The following RPS6KC1 variants were observed in gnomAD, a reference collection of about 807,000 sequenced individuals.
RPS6KC1 encodes ribosomal protein S6 kinase C1.
Under a neutral mutation model 103.8 loss-of-function variants are expected in RPS6KC1, and 54 were observed. The observed-to-expected ratio is 0.52, with a 90% CI of 0.42 to 0.65. The LOEUF (loss-of-function observed/expected upper bound fraction) is 0.65. Ranked by LOEUF, RPS6KC1 falls within the 30% of genes least tolerant of loss-of-function variation. The pLI, the probability that RPS6KC1 is intolerant of heterozygous loss-of-function variation, is 0.00. For synonymous variants in RPS6KC1, 439 were observed against 438.7 expected (o/e 1.00, Z -0.01); for missense variants, 1,151 against 1,253.8 (o/e 0.92, Z 1.24).
intron 8 of RPS6KC1, among the ~76,000 whole-genome samples, chr1:213,199,822 A>G (rs2093089551): frequency 6.6e-6 from 1 of 152,352 alleles, no homozygotes; most frequent in South Asian, 2.1e-4. Context: ...AAAAATCACT[A>G]GCATTCCTAT....
At chr1:213,473,191 A>G in the RPS6KC1 span, among the ~76,000 whole-genome samples, 1 of 152,226 alleles carries the variant, frequency 6.6e-6, no homozygotes, top group Non-Finnish European at 1.5e-5. Context: ...CTGTGAACCA[A>G]TCAGTCTGGC....
Position 213,241,839 on chromosome 1 carries a change from A to G in RPS6KC1, c.2363A>G (p.Asp788Gly), listed in dbSNP as rs2094361759. 1 of 1,613,972 alleles carries G rather than the reference A, an allele frequency of 6.2e-7. No individual in the cohort carries two copies. The highest frequency in any genetic ancestry group is 2.2e-5 in the East Asian group (1 of 44,860). The part of the protein sequence containing the change: ...VAAVDHSSSG[D>G]MSLLPSSDPK... ...GCTGTTGATCATAGTAGTTCAGGAG[A>G]TATGTCTTTGTTACCCAGCTCAGAT... is the stretch of plus-strand genomic sequence containing the variant. The change falls in exon 11 of 15, where the codon GAT (aspartate) becomes GGT (glycine). Residue 788 changes from aspartate (D) to glycine (G), a missense_variant. Coordinates refer to ENST00000366960, the MANE Select transcript of RPS6KC1 (RefSeq NM_012424.6).
chr1:213,406,060 A>G, the RPS6KC1 span, among the ~76,000 whole-genome samples: 2 of 152,184 alleles, frequency 1.3e-5, no homozygotes, highest in Non-Finnish European at 2.9e-5. Context: ...GTTGCAGCAC[A>G]CTGCCTGGAA....
At chr1:213,587,317 A>G in the RPS6KC1 span, among the ~76,000 whole-genome samples, 3 of 152,158 alleles carry the variant, frequency 2.0e-5, no homozygotes, top group African/African-American at 7.2e-5. Flanking sequence ...GGGCAGCCCT[A>G]TATTTCTGCC....
At chr1:213,118,559 C>T (rs1189858136) in intron 5 of RPS6KC1, among the ~76,000 whole-genome samples, 1 of 152,066 alleles carries the variant, frequency 6.6e-6, no homozygotes, top group East Asian at 1.9e-4. Context: ...GCAGCAGCCA[C>T]ACTAACATAA....
chr1:213,108,940 A>G (rs568676799), intron 4 of RPS6KC1, among the ~76,000 whole-genome samples: 1 of 151,170 alleles, frequency 6.6e-6, no homozygotes, highest in Non-Finnish European at 1.5e-5. Context: ...GTGAGTCACC[A>G]CACCTGGCTG....
chr1:213,723,809 T>C, the RPS6KC1 span, among the ~76,000 whole-genome samples: 1 of 151,932 alleles, frequency 6.6e-6, no homozygotes, highest in Admixed American at 6.6e-5. Context: ...CAGACACAAA[T>C]CCACATCTCT....
At chr1:213,678,574 TC>T in the RPS6KC1 span, among the ~76,000 whole-genome samples, 89 of 152,342 alleles carry the variant, frequency 5.8e-4, no homozygotes, top group African/African-American at 2.1e-3. Flanking sequence ...ACCTGGCTGA[TC>T]ATAAGCCTCA....
chr1:213,354,575 T>A, the RPS6KC1 span, among the ~76,000 whole-genome samples: 5 of 152,178 alleles, frequency 3.3e-5, no homozygotes, highest in Non-Finnish European at 7.4e-5. Context: ...CTTATAAAGG[T>A]TGAGAGTCCA....
At chr1:213,151,131 C>G (rs1189978693) in intron 6 of RPS6KC1, among the ~76,000 whole-genome samples, 2 of 147,626 alleles carry the variant, frequency 1.4e-5, no homozygotes, top group African/African-American at 2.5e-5. Flanking sequence ...CTGACCCCCC[C>G]ACCTCCCTCC....
the RPS6KC1 span, among the ~76,000 whole-genome samples, chr1:213,754,221 A>C: frequency 6.6e-6 from 1 of 152,210 alleles, no homozygotes; most frequent in Non-Finnish European, 1.5e-5. Context: ...AGTTCTGGTG[A>C]GGGCTTGTGG....
chr1:213,223,271 T>G (rs553826109), intron 8 of RPS6KC1, among the ~76,000 whole-genome samples: 2 of 152,280 alleles, frequency 1.3e-5, no homozygotes, highest in South Asian at 4.2e-4. Flanking sequence ...CACAGATAAG[T>G]TCTTTAGTGG....
At chr1:213,396,064 G>C in the RPS6KC1 span, among the ~76,000 whole-genome samples, 1 of 152,202 alleles carries the variant, frequency 6.6e-6, no homozygotes, top group Non-Finnish European at 1.5e-5. Context: ...GAAGAGTCAG[G>C]CTTAGGGGAG....
At chr1:213,790,254 C>T in the RPS6KC1 span, among the ~76,000 whole-genome samples, 1 of 152,152 alleles carries the variant, frequency 6.6e-6, no homozygotes, top group Admixed American at 6.5e-5. Flanking sequence ...CCCCAAATGC[C>T]TACTTCTAAA....
the RPS6KC1 span, among the ~76,000 whole-genome samples, chr1:213,594,646 T>C: frequency 6.6e-6 from 1 of 152,220 alleles, no homozygotes; most frequent in Admixed American, 6.5e-5. Context: ...ATAATACTGT[T>C]GGTTAACATT....
the RPS6KC1 span, among the ~76,000 whole-genome samples, chr1:213,459,347 G>A: frequency 2.0e-5 from 3 of 151,984 alleles, no homozygotes; most frequent in Non-Finnish European, 4.4e-5. Flanking sequence ...GGATGTATGT[G>A]TCCAGGAATT....
At chr1:213,325,273 C>G in the RPS6KC1 span, among the ~76,000 whole-genome samples, 1 of 152,168 alleles carries the variant, frequency 6.6e-6, no homozygotes, top group African/African-American at 2.4e-5. Flanking sequence ...GGCCCTTCCT[C>G]TTTCGCTTTC....
the RPS6KC1 span, among the ~76,000 whole-genome samples, chr1:213,477,370 T>A: frequency 6.6e-6 from 1 of 151,200 alleles, no homozygotes; most frequent in Non-Finnish European, 1.5e-5. Flanking sequence ...TTTATCTATT[T>A]CATCTATTGA....
At chr1:213,730,698 A>G in the RPS6KC1 span, among the ~76,000 whole-genome samples, 9 of 152,322 alleles carry the variant, frequency 5.9e-5, no homozygotes, top group African/African-American at 1.9e-4. Context: ...ATAGTTTTCA[A>G]AAATTTTCTC....
Sources: allele counts gnomAD v4.1 joint callset (sites outside exome capture counted in the v4.1 genomes callset), GRCh38; gene constraint gnomAD v4.1.1; transcripts MANE v1.5; gene names NCBI Gene and HGNC (gene_info 2026-07-23, HGNC 2026-07-21).